The following STPG2 variants were observed in gnomAD, a reference collection of about 807,000 sequenced individuals.
STPG2 encodes sperm tail PG-rich repeat containing 2.
Under a neutral mutation model 54.2 loss-of-function variants are expected in STPG2, and 56 were observed. The observed-to-expected ratio is 1.03, with a 90% CI of 0.83 to 1.29. STPG2 has a LOEUF of 1.29. STPG2 is among the 50% of genes most tolerant of loss of function. The pLI, the probability that STPG2 is intolerant of heterozygous loss-of-function variation, is 0.00. For missense variants in STPG2, 596 were observed against 544.9 expected, an observed-to-expected ratio of 1.09 and a Z score of -0.93; for synonymous variants, 200 against 181.8, an observed-to-expected ratio of 1.10 and a Z score of -0.81.
intron 9 of STPG2, among the ~76,000 whole-genome samples, chr4:97,817,994 C>T (rs1727966545): frequency 6.6e-6 from 1 of 151,778 alleles, no homozygotes; most frequent in Non-Finnish European, 1.5e-5. Context: ...ATGTTTACAG[C>T]TAAAGAGTTT....
At chr4:98,108,156 C>A (rs1183196783) in intron 4 of STPG2, among the ~76,000 whole-genome samples, 2 of 152,070 alleles carry the variant, frequency 1.3e-5, no homozygotes, top group Non-Finnish European at 1.5e-5. Context: ...ACAATGTTTA[C>A]TCAATGAATG....
chr4:97,495,483 C>G (rs188143011), intron 4 of STPG2, among the ~76,000 whole-genome samples: 36 of 151,182 alleles, frequency 2.4e-4, no homozygotes, highest in African/African-American at 8.5e-4. Context: ...AATTTGCTTT[C>G]TAGTATCGCA....
intron 9 of STPG2, among the ~76,000 whole-genome samples, chr4:97,720,705 A>G (rs1235325436): frequency 2.0e-5 from 3 of 151,988 alleles, no homozygotes; most frequent in Non-Finnish European, 4.4e-5. Context: ...TTTTACCCAT[A>G]TATTTTAAAA....
At chr4:97,794,831 G>T (rs1461822470) in intron 9 of STPG2, among the ~76,000 whole-genome samples, 2 of 152,058 alleles carry the variant, frequency 1.3e-5, no homozygotes, top group Admixed American at 6.6e-5. Context: ...TGCTTGAAAA[G>T]AATATTATAT....
At chr4:97,659,760 A>G (rs1461498226) in intron 10 of STPG2, among the ~76,000 whole-genome samples, 1 of 152,198 alleles carries the variant, frequency 6.6e-6, no homozygotes, top group Non-Finnish European at 1.5e-5. Flanking sequence ...TTGTTACATA[A>G]TAAATAGTAA....
At chr4:97,480,700 T>C (rs1176750961) in intron 4 of STPG2, among the ~76,000 whole-genome samples, 3 of 151,616 alleles carry the variant, frequency 2.0e-5, no homozygotes, top group Non-Finnish European at 4.4e-5. Flanking sequence ...TACCTTTCTA[T>C]ATACCTATTT....
intron 9 of STPG2, among the ~76,000 whole-genome samples, chr4:97,793,317 T>C (rs903238579): frequency 5.3e-5 from 8 of 151,862 alleles, no homozygotes; most frequent in African/African-American, 1.9e-4. Flanking sequence ...TCTCTCAGAA[T>C]TTTAGCACCA....
intron 4 of STPG2, among the ~76,000 whole-genome samples, chr4:97,525,165 C>T (rs1427931546): frequency 6.6e-6 from 1 of 151,742 alleles, no homozygotes; most frequent in African/African-American, 2.4e-5. Flanking sequence ...AAAAGCACAA[C>T]CATAAATATT....
At chr4:97,487,934 T>C (rs1341964434) in intron 4 of STPG2, among the ~76,000 whole-genome samples, 1 of 151,510 alleles carries the variant, frequency 6.6e-6, no homozygotes, top group Non-Finnish European at 1.5e-5. Flanking sequence ...ATTTCAAAAT[T>C]AGAGAAAATA....
intron 10 of STPG2, among the ~76,000 whole-genome samples, chr4:97,676,469 G>A (rs557156414): frequency 6.6e-6 from 1 of 151,076 alleles, no homozygotes; most frequent in East Asian, 1.9e-4. Context: ...TTCTTTTTCC[G>A]CATCTGAAAC....
At chr4:97,829,081 A>T (rs541728564) in intron 9 of STPG2, among the ~76,000 whole-genome samples, 7 of 152,278 alleles carry the variant, frequency 4.6e-5, no homozygotes, top group African/African-American at 1.7e-4. Context: ...TGACTGGGAG[A>T]CATCTCCGAG....
rs963494322 is a variant in STPG2 at position 97,981,087 on chromosome 4, T to G, written c.772+72A>C. 2.7e-6 allele frequency: 4 copies of G among 1,493,772 alleles called. No homozygotes were observed. In the African/African-American group the frequency reaches 5.6e-5, roughly 21 times the overall value. 92.5% of individuals were successfully genotyped at this position (1,493,772 alleles called of 1,614,324 possible). ...AAAAAAGAAAACATACTCTCTGGTGTATCCATCTTGTTAAGAACATTAAGT... is the reference window on the plus strand; with the variant it reads ...AAAAAAGAAAACATACTCTCTGGTGGATCCATCTTGTTAAGAACATTAAGT... On this transcript the variant is annotated intron_variant, in intron 6 of 10. Transcript: ENST00000295268.
At chr4:97,585,748 C>T (rs1342163575) in intron 10 of STPG2, among the ~76,000 whole-genome samples, 2 of 151,820 alleles carry the variant, frequency 1.3e-5, no homozygotes, top group African/African-American at 4.8e-5. Flanking sequence ...CCAGTGATAC[C>T]AGATAAACCA....
chr4:97,618,776 T>C (rs1733934156), intron 10 of STPG2, among the ~76,000 whole-genome samples: 1 of 152,228 alleles, frequency 6.6e-6, no homozygotes, highest in Non-Finnish European at 1.5e-5. Flanking sequence ...TTTTGCTGTG[T>C]ATTTTATTCT....
chr4:97,589,061 C>A (rs1201732061), intron 10 of STPG2, among the ~76,000 whole-genome samples: 2 of 151,970 alleles, frequency 1.3e-5, no homozygotes, highest in Non-Finnish European at 1.5e-5. Context: ...AGAGTGCCTA[C>A]TCTTAAGTAA....
intron 10 of STPG2, among the ~76,000 whole-genome samples, chr4:97,659,117 T>A (rs1261057390): frequency 2.6e-5 from 4 of 152,256 alleles, no homozygotes; most frequent in Non-Finnish European, 5.9e-5. Context: ...TTTAAGAGTA[T>A]AAAGTAACCA....
chr4:98,139,476 T>C (rs373050037), intron 1 of STPG2, among the ~76,000 whole-genome samples: 2 of 152,212 alleles, frequency 1.3e-5, no homozygotes, highest in East Asian at 1.9e-4. Flanking sequence ...CTCCATAAAA[T>C]GAACCTGACC....
intron 10 of STPG2, among the ~76,000 whole-genome samples, chr4:97,655,181 G>T (rs2148956688): frequency 6.6e-6 from 1 of 152,122 alleles, no homozygotes; most frequent in Non-Finnish European, 1.5e-5. Flanking sequence ...AAAATCTATT[G>T]TGGTTAAAGG....
intron 9 of STPG2, among the ~76,000 whole-genome samples, chr4:97,764,414 A>G (rs1191001396): frequency 2.6e-5 from 4 of 152,184 alleles, no homozygotes; most frequent in African/African-American, 9.6e-5. Flanking sequence ...AATTTCGTGC[A>G]CTATTGTATT....
Sources: gnomAD v4.1 joint callset for allele counts (sites outside exome capture counted in the v4.1 genomes callset) on GRCh38, gnomAD v4.1.1 for gene constraint, MANE v1.5 for transcripts, NCBI Gene and HGNC (gene_info 2026-07-23, HGNC 2026-07-21) for gene names.